The following MAML2 variants were observed in gnomAD, a reference collection of about 807,000 sequenced individuals.
The protein encoded by MAML2 is mastermind like transcriptional coactivator 2, also known as mastermind-like protein 2.
In MAML2, 22 loss-of-function variants were observed where a neutral mutation model predicts 96.1. The ratio of observed to expected loss-of-function variants is 0.23; its 90% CI spans 0.16 to 0.33. MAML2 has a LOEUF of 0.33. Among genes scored for constraint, MAML2 ranks in the 10% least tolerant of loss-of-function variants. The pLI, the probability that MAML2 is intolerant of heterozygous loss-of-function variation, is 1.00. For missense variants in MAML2, 1,367 were observed against 1,392.4 expected (o/e 0.98, Z 0.29); for synonymous variants, 561 against 521.3 (o/e 1.08, Z -1.04).
intron 2 of MAML2, among the ~76,000 whole-genome samples, chr11:96,074,577 G>T (rs1859404213): frequency 6.6e-6 from 1 of 152,232 alleles, no homozygotes; most frequent in East Asian, 1.9e-4. Context: ...GATGACGATG[G>T]CGGCGCAAAG....
At chr11:96,322,463 C>T (rs888323036) in intron 1 of MAML2, among the ~76,000 whole-genome samples, 1 of 152,080 alleles carries the variant, frequency 6.6e-6, no homozygotes, top group Admixed American at 6.6e-5. Context: ...CTTTGGGAGG[C>T]GGGCGGATCA....
chr11:96,157,415 C>T (rs897614380), intron 1 of MAML2, among the ~76,000 whole-genome samples: 5 of 152,232 alleles, frequency 3.3e-5, no homozygotes, highest in African/African-American at 1.2e-4. Flanking sequence ...TGTGGAGGAA[C>T]AGCGAGTGCT....
At chr11:95,992,346 C>T (rs73519281) in intron 2 of MAML2, among the ~76,000 whole-genome samples, 8 of 152,134 alleles carry the variant, frequency 5.3e-5, no homozygotes, top group South Asian at 4.2e-4. Context: ...AAAGAATACC[C>T]GACACACTGA....
intron 1 of MAML2, among the ~76,000 whole-genome samples, chr11:96,218,163 C>T (rs1296533855): frequency 3.9e-5 from 6 of 152,164 alleles, no homozygotes; most frequent in Non-Finnish European, 7.3e-5. Flanking sequence ...CTAGAAAAAA[C>T]GTTTGGTGTG....
chr11:96,073,470 G>A (rs566584326), intron 2 of MAML2, among the ~76,000 whole-genome samples: 14 of 151,870 alleles, frequency 9.2e-5, no homozygotes, highest in African/African-American at 2.4e-4. Flanking sequence ...ACAGGCGCCC[G>A]CCACCATGCC....
At chr11:96,228,051 G>C (rs374656699) in intron 1 of MAML2, among the ~76,000 whole-genome samples, 27 of 152,324 alleles carry the variant, frequency 1.8e-4, no homozygotes, top group African/African-American at 6.3e-4. Flanking sequence ...GGAGTGAGCT[G>C]AAACAGTGCC....
chr11:96,159,718 C>G (rs1036622252), intron 1 of MAML2, among the ~76,000 whole-genome samples: 3 of 152,218 alleles, frequency 2.0e-5, no homozygotes, highest in African/African-American at 7.2e-5. Context: ...GCGACCGCGC[C>G]CGGCCTAAAC....
At chr11:96,197,446 A>C (rs1005429244) in intron 1 of MAML2, among the ~76,000 whole-genome samples, 54 of 152,252 alleles carry the variant, frequency 3.5e-4, no homozygotes, top group African/African-American at 1.3e-3. Flanking sequence ...CAATCCAAGT[A>C]GCCAGAGAAG....
At chr11:96,018,330 G>T (rs1858386515) in intron 2 of MAML2, among the ~76,000 whole-genome samples, 1 of 152,188 alleles carries the variant, frequency 6.6e-6, no homozygotes, top group Admixed American at 6.5e-5. Flanking sequence ...CTTGATATAT[G>T]AGTCTGGAGT....
intron 1 of MAML2, among the ~76,000 whole-genome samples, chr11:96,257,204 T>C (rs987345941): frequency 2.0e-5 from 3 of 152,258 alleles, no homozygotes; most frequent in Admixed American, 2.0e-4. Context: ...AAATTTCCTG[T>C]AGCCCATCCA....
At chr11:96,032,515 A>T (rs1381609820) in intron 2 of MAML2, among the ~76,000 whole-genome samples, 1 of 144,882 alleles carries the variant, frequency 6.9e-6, no homozygotes, top group Non-Finnish European at 1.5e-5. Context: ...TGAACCCTGG[A>T]GGCAGAGGTT....
chr11:96,254,164 C>T (rs1183870003), intron 1 of MAML2, among the ~76,000 whole-genome samples: 1 of 152,166 alleles, frequency 6.6e-6, no homozygotes, highest in Non-Finnish European at 1.5e-5. Context: ...CAAAAACAGT[C>T]ATCGGAGACT....
intron 1 of MAML2, among the ~76,000 whole-genome samples, chr11:96,214,177 G>A (rs1862014917): frequency 6.6e-6 from 1 of 152,192 alleles, no homozygotes; most frequent in African/African-American, 2.4e-5. Flanking sequence ...AGTTTTAACA[G>A]TTGAATAATA....
chr11:96,242,966 C>A (rs1038968103), intron 1 of MAML2, among the ~76,000 whole-genome samples: 2 of 152,186 alleles, frequency 1.3e-5, no homozygotes, highest in South Asian at 2.1e-4. Flanking sequence ...TGAATTCAAT[C>A]AAAAATCCTT....
At chr11:96,065,312 A>G (rs1031627358) in intron 2 of MAML2, among the ~76,000 whole-genome samples, 3 of 152,312 alleles carry the variant, frequency 2.0e-5, no homozygotes, top group East Asian at 1.9e-4. Flanking sequence ...TTTCCATGGC[A>G]TATCAGGGCA....
chr11:96,191,100 A>G (rs1293102566), intron 1 of MAML2, among the ~76,000 whole-genome samples: 3 of 152,162 alleles, frequency 2.0e-5, no homozygotes, highest in Non-Finnish European at 2.9e-5. Flanking sequence ...AGTCTAAACT[A>G]CTATTATGTA....
chr11:96,290,499 T>C (rs1349496577), intron 1 of MAML2, among the ~76,000 whole-genome samples: 1 of 152,194 alleles, frequency 6.6e-6, no homozygotes, highest in African/African-American at 2.4e-5. Context: ...AAGCATTGAG[T>C]AGCCAAACTG....
At chr11:96,058,787 G>A (rs1859108481) in intron 2 of MAML2, among the ~76,000 whole-genome samples, 1 of 152,156 alleles carries the variant, frequency 6.6e-6, no homozygotes, top group Non-Finnish European at 1.5e-5. Flanking sequence ...TCTACTTACA[G>A]TGCAACCTAC....
chr11:96,073,316 CT>C (rs1232156211), intron 2 of MAML2, among the ~76,000 whole-genome samples: 1 of 75,004 alleles, frequency 1.3e-5, no homozygotes, highest in Admixed American at 1.8e-4. Context: ...CATTTCTTTT[CT>C]TTTCTTTTTT....
Sources: allele counts gnomAD v4.1 joint callset (sites outside exome capture counted in the v4.1 genomes callset), GRCh38; gene constraint gnomAD v4.1.1; transcripts MANE v1.5; gene names NCBI Gene and HGNC (gene_info 2026-07-23, HGNC 2026-07-21).